MRTFB: variants seen among roughly 807,000 people sequenced by gnomAD.
MRTFB encodes the protein myocardin related transcription factor B.
Under a neutral mutation model 104.2 loss-of-function variants are expected in MRTFB, and 29 were observed. The ratio of observed to expected loss-of-function variants is 0.28; its 90% confidence interval spans 0.21 to 0.38. The LOEUF (loss-of-function observed/expected upper bound fraction) is 0.38, where lower values mean the gene tolerates loss of function less well. MRTFB is among the 10% of genes least tolerant of loss of function. The pLI is 1.00. For synonymous variants in MRTFB, 535 were observed against 519.5 expected, an observed-to-expected ratio of 1.03 and a Z score of -0.41; for missense variants, 1,270 against 1,341.6, an observed-to-expected ratio of 0.95 and a Z score of 0.83.
At chr16:14,041,647 C>T in the MRTFB span, among the ~76,000 whole-genome samples, 2 of 152,066 alleles carry the variant, frequency 1.3e-5, no homozygotes, top group African/African-American at 4.8e-5. Context: ...TTAGTTTTTG[C>T]CAGGCGTGGT....
At chr16:14,099,648 C>A (rs1478512392) in intron 2 of MRTFB, among the ~76,000 whole-genome samples, 1 of 149,858 alleles carries the variant, frequency 6.7e-6, no homozygotes, top group Non-Finnish European at 1.5e-5. Flanking sequence ...CATGCCCAGC[C>A]GTATTCTGCA....
At chr16:14,017,711 A>ATATATATATATATATT in the MRTFB span, among the ~76,000 whole-genome samples, 2 of 33,612 alleles carry the variant, frequency 6.0e-5, no homozygotes, top group Non-Finnish European at 1.0e-4. Context: ...ATATATATAT[A>ATATATATATATATATT]TTTTTTTTTT....
chr16:14,062,814 G>A, the MRTFB span, among the ~76,000 whole-genome samples: 1 of 152,156 alleles, frequency 6.6e-6, no homozygotes, highest in East Asian at 1.9e-4. Context: ...CCTGCGCCAT[G>A]AAACATCAGT....
chr16:14,100,442 A>G (rs1567322432), intron 2 of MRTFB, among the ~76,000 whole-genome samples: 1 of 152,206 alleles, frequency 6.6e-6, no homozygotes, highest in Non-Finnish European at 1.5e-5. Context: ...TTCCTAGGAT[A>G]AACCCCATTT....
intron 3 of MRTFB, chr16:14,142,647 A>G (rs1317282404): frequency 6.6e-6 from 1 of 152,218 alleles, no homozygotes; most frequent in Non-Finnish European, 1.5e-5. Context: ...TCAGATTTAC[A>G]CAGTACACTT....
chr16:14,200,581 T>C (rs1039080037), intron 3 of MRTFB: 2 of 1,601,644 alleles, frequency 1.2e-6, no homozygotes, highest in African/African-American at 1.3e-5. Context: ...CATGTGACTT[T>C]TGGGCAGTGA....
At chr16:14,175,819 T>G (rs2039563026) in intron 3 of MRTFB, among the ~76,000 whole-genome samples, 1 of 152,154 alleles carries the variant, frequency 6.6e-6, no homozygotes, top group Admixed American at 6.5e-5. Flanking sequence ...ACAATGTGCA[T>G]GAATCTCAGA....
intron 3 of MRTFB, among the ~76,000 whole-genome samples, chr16:14,168,286 A>G (rs2039314549): frequency 6.6e-6 from 1 of 151,936 alleles, no homozygotes; most frequent in South Asian, 2.1e-4. Context: ...TCTAAGGCAC[A>G]CTGTTGGATG....
intron 2 of MRTFB, among the ~76,000 whole-genome samples, chr16:14,093,239 A>T (rs2035183116): frequency 7.4e-6 from 1 of 135,218 alleles, no homozygotes; most frequent in Non-Finnish European, 1.5e-5. Flanking sequence ...TACTTGAGAG[A>T]TGGATTTTTT....
intron 3 of MRTFB, among the ~76,000 whole-genome samples, chr16:14,193,210 CAAAAAAAAAA>C (rs10616011): frequency 2.1e-4 from 12 of 56,406 alleles, no homozygotes; most frequent in Admixed American, 9.1e-4. Flanking sequence ...GACCCTGTCT[CAAAAAAAAAA>C]AAAAAAAAAA....
In MRTFB at chr16:14,104,792, C is replaced by T. The variant is rs151090783; in HGVS notation, c.-64+25438C>T. On this transcript the variant is annotated intron_variant, in intron 2 of 16. Coordinates refer to ENST00000571589, the MANE Select transcript of MRTFB (RefSeq NM_001308142.2). ...ATGTAGGCACCGCAGTCCATTTTCA[C>T]GGAATAGCTATTCCATTCATTGGAT... 4.5e-4 allele frequency among the ~76,000 whole-genome samples: 68 copies of T among 152,294 alleles called. No homozygotes were observed. In the East Asian group the frequency reaches 0.012, roughly 28 times the overall value.
At chr16:14,219,678 AC>A (rs765536063) in intron 8 of MRTFB, among the ~76,000 whole-genome samples, 3 of 152,238 alleles carry the variant, frequency 2.0e-5, no homozygotes, top group Non-Finnish European at 4.4e-5. Flanking sequence ...CCATTTTCTT[AC>A]AGCATTTCTT....
At chr16:14,238,720 T>G (rs9926157) in intron 9 of MRTFB, among the ~76,000 whole-genome samples, 20,430 of 152,042 alleles carry the variant, frequency 0.13, 3,218 homozygotes, top group African/African-American at 0.38. Flanking sequence ...GGGATTGTCA[T>G]ATGTGTCGTA....
the MRTFB span, among the ~76,000 whole-genome samples, chr16:14,029,423 T>A: frequency 8.8e-3 from 403 of 46,006 alleles, 2 homozygotes; most frequent in Admixed American, 0.023. Context: ...AAAAAAAATA[T>A]ATATATATAT....
chr16:14,045,790 G>A, the MRTFB span, among the ~76,000 whole-genome samples: 11 of 152,320 alleles, frequency 7.2e-5, no homozygotes, highest in African/African-American at 1.2e-4. Flanking sequence ...CAGGGCATAC[G>A]TTTGGATGCT....
the MRTFB span, chr16:14,013,068 T>C: frequency 6.6e-6 from 1 of 152,186 alleles, no homozygotes; most frequent in African/African-American, 2.4e-5. Context: ...CCTCTGGGAA[T>C]TGCTAGGATT....
At chr16:14,164,027 G>A (rs548960591) in intron 3 of MRTFB, among the ~76,000 whole-genome samples, 8 of 152,222 alleles carry the variant, frequency 5.3e-5, no homozygotes, top group Admixed American at 4.6e-4. Flanking sequence ...CCATCACCTT[G>A]AGCATTTATC....
intron 8 of MRTFB, among the ~76,000 whole-genome samples, chr16:14,228,145 ATG>A (rs2042093484): frequency 6.6e-6 from 1 of 152,246 alleles, no homozygotes; most frequent in Non-Finnish European, 1.5e-5. Flanking sequence ...GTTTGGAAGA[ATG>A]TGGATAAATT....
In MRTFB at chr16:14,140,884, G is replaced by T. The variant is rs991418464; in HGVS notation, c.154+124G>T. On this transcript the variant is annotated intron_variant, in intron 3 of 16. Transcript: ENST00000571589. ...GCAGTCTGTCATGGAGGAGAACCCT[G>T]TAGAGGTACTGGATGGTTTTTAATA... 1.5e-5 allele frequency: 15 copies of T among 985,112 alleles called. No individual in the cohort carries two copies. The African/African-American group carries it at 2.3e-4, about 15-fold the overall frequency. The allele number at this position is 985,112 out of a possible 1,614,324, so 61.0% of individuals were successfully genotyped here.
Sources: gnomAD v4.1 joint callset for allele counts (sites outside exome capture counted in the v4.1 genomes callset) on GRCh38, gnomAD v4.1.1 for gene constraint, MANE v1.5 for transcripts, NCBI Gene and HGNC (gene_info 2026-07-23, HGNC 2026-07-21) for gene names.